The following STARD13 variants were observed in gnomAD, a reference collection of about 807,000 sequenced individuals.
STARD13 encodes stAR-related lipid transfer protein 13.
Under a neutral mutation model 106.4 loss-of-function variants are expected in STARD13, and 62 were observed. That is an observed-to-expected ratio of 0.58 (90% CI 0.48 to 0.72). The LOEUF is 0.72. STARD13 is among the 30% of genes least tolerant of loss of function. The probability of loss-of-function intolerance (pLI) is 0.00; values close to 1 mark genes in which losing one functional copy is unlikely to be tolerated. For missense variants in STARD13, 1,387 were observed against 1,424.0 expected (o/e 0.97, Z 0.42); for synonymous variants, 565 against 553.0 (o/e 1.02, Z -0.31).
intron 1 of STARD13, among the ~76,000 whole-genome samples, chr13:33,201,399 T>G (rs1004397634): frequency 5.9e-5 from 9 of 152,364 alleles, no homozygotes; most frequent in African/African-American, 1.9e-4. Flanking sequence ...CTGTGGTTTA[T>G]CCCAATGTAA....
At chr13:33,157,056 A>C (rs1478919954) in intron 3 of STARD13, among the ~76,000 whole-genome samples, 1 of 152,188 alleles carries the variant, frequency 6.6e-6, no homozygotes. Flanking sequence ...AATATTCATA[A>C]AGACTTTAAT....
intron 1 of STARD13, among the ~76,000 whole-genome samples, chr13:33,191,444 A>C (rs1886251669): frequency 1.3e-5 from 2 of 152,194 alleles, no homozygotes; most frequent in Admixed American, 6.5e-5. Context: ...GTGATTTCTA[A>C]GATGAAATGT....
chr13:33,170,618 A>G (rs911526601), intron 1 of STARD13, among the ~76,000 whole-genome samples: 23 of 152,212 alleles, frequency 1.5e-4, no homozygotes, highest in African/African-American at 5.3e-4. Flanking sequence ...CAAAACTGCA[A>G]TGAGTAAATA....
At chr13:33,282,127 ACCATTCTTATTT>A (rs1458094503) in intron 1 of STARD13, among the ~76,000 whole-genome samples, 3 of 152,090 alleles carry the variant, frequency 2.0e-5, no homozygotes, top group African/African-American at 7.2e-5. Flanking sequence ...GCAAATAAGG[ACCATTCTTATTT>A]CCATTCTCTC....
At chr13:33,356,047 T>C in the STARD13 span, among the ~76,000 whole-genome samples, 18 of 152,242 alleles carry the variant, frequency 1.2e-4, no homozygotes, top group Non-Finnish European at 2.4e-4. Context: ...CATATCATGG[T>C]CATCAACTTT....
chr13:33,228,818 A>G (rs1481843649), intron 1 of STARD13, among the ~76,000 whole-genome samples: 1 of 152,228 alleles, frequency 6.6e-6, no homozygotes, highest in East Asian at 1.9e-4. Context: ...ATTAAAACAA[A>G]TAAGAAATAT....
At chr13:33,589,720 T>G in the STARD13 span, among the ~76,000 whole-genome samples, 1 of 152,202 alleles carries the variant, frequency 6.6e-6, no homozygotes, top group Non-Finnish European at 1.5e-5. Context: ...TATTTTCAAC[T>G]ATGTGGTCAA....
At chr13:33,570,634 G>A in the STARD13 span, among the ~76,000 whole-genome samples, 9 of 120,996 alleles carry the variant, frequency 7.4e-5, no homozygotes, top group Admixed American at 8.4e-4. Flanking sequence ...AGACTGTCTT[G>A]GTAATGCAAA....
chr13:33,520,589 C>G, the STARD13 span, among the ~76,000 whole-genome samples: 1 of 152,022 alleles, frequency 6.6e-6, no homozygotes, highest in Non-Finnish European at 1.5e-5. Flanking sequence ...TTCAGCTTGC[C>G]CCTCGGGTAG....
At chr13:33,171,996 A>G (rs2138398112) in intron 1 of STARD13, among the ~76,000 whole-genome samples, 1 of 152,304 alleles carries the variant, frequency 6.6e-6, no homozygotes, top group Non-Finnish European at 1.5e-5. Flanking sequence ...ACCATGGCCG[A>G]TGTGGGTTTT....
chr13:33,243,963 G>C lies in STARD13; in HGVS notation c.169+41507C>G, dbSNP rs140099003. Among the ~76,000 whole-genome samples the C allele has an allele frequency of 3.2e-4, 49 of 151,774 alleles. No individual in the cohort carries two copies. In the East Asian group the frequency reaches 9.5e-3, roughly 29 times the overall value. On this transcript the variant is annotated intron_variant, in intron 1 of 13. Coordinates refer to ENST00000336934, the MANE Select transcript of STARD13 (RefSeq NM_178006.4). ...ACTTATTTGGATGGGAATAGAGGTT[G>C]AGTATCCCTTACCTGAAATGCTTGG... is the stretch of plus-strand genomic sequence containing the variant.
At chr13:33,546,795 A>G in the STARD13 span, among the ~76,000 whole-genome samples, 13 of 151,894 alleles carry the variant, frequency 8.6e-5, no homozygotes, top group Non-Finnish European at 1.9e-4. Flanking sequence ...AGGCAAGATT[A>G]ATGTTTTTTA....
chr13:33,502,411 A>C, the STARD13 span, among the ~76,000 whole-genome samples: 40 of 152,190 alleles, frequency 2.6e-4, no homozygotes, highest in South Asian at 6.6e-3. Flanking sequence ...GCCAGAACTT[A>C]CAACACTATG....
At chr13:33,315,175 T>C (rs1477552411) in intron 1 of STARD13, among the ~76,000 whole-genome samples, 1 of 152,202 alleles carries the variant, frequency 6.6e-6, no homozygotes, top group Non-Finnish European at 1.5e-5. Flanking sequence ...TAAAACACAG[T>C]TCCCCTCAGA....
chr13:33,631,726 T>A, the STARD13 span, among the ~76,000 whole-genome samples: 4 of 152,208 alleles, frequency 2.6e-5, no homozygotes, highest in Non-Finnish European at 4.4e-5. Context: ...GCTATTAATA[T>A]ATGCTATGAT....
the STARD13 span, among the ~76,000 whole-genome samples, chr13:33,603,458 G>C: frequency 2.8e-4 from 42 of 152,230 alleles, no homozygotes; most frequent in Middle Eastern, 6.8e-3. Flanking sequence ...GGACTTATGA[G>C]GACTACACAC....
chr13:33,177,817 GAAGGAAGGAAGGAAGGAAGGAAGGA>G lies in STARD13; in HGVS notation c.170-10220_170-10196del, dbSNP rs1566052172. 6.7e-3 allele frequency among the ~76,000 whole-genome samples: 176 copies of G among 26,216 alleles called. 33 individuals are homozygous for G. Among genetic ancestry groups the G allele is most frequent in the African/African-American group, 0.028 (147 of 5,192 alleles). 17.2% of individuals were successfully genotyped at this position (26,216 alleles called of 152,430 possible). A position where few individuals can be genotyped will look rare whatever the true frequency, so the allele number is the denominator to read the frequency against. ...GAAGGAAGGAAAGGAAGGAAGGAAG[GAAGGAAGGAAGGAAGGAAGGAAGGA>G]AAGGAAGGAAGGAAGGAAGGAAGGA... On this transcript the variant is annotated intron_variant, in intron 1 of 13. Transcript: ENST00000336934.
At chr13:33,246,943 T>A (rs1566096270) in intron 1 of STARD13, among the ~76,000 whole-genome samples, 1 of 152,182 alleles carries the variant, frequency 6.6e-6, no homozygotes, top group Non-Finnish European at 1.5e-5. Flanking sequence ...ATGCCTGTAA[T>A]CCCAGCACTT....
At chr13:33,672,130 A>G in the STARD13 span, among the ~76,000 whole-genome samples, 1 of 152,246 alleles carries the variant, frequency 6.6e-6, no homozygotes, top group Non-Finnish European at 1.5e-5. Context: ...ATGCCCATCA[A>G]TGATAGACTG....
Sources: allele counts gnomAD v4.1 joint callset (sites outside exome capture counted in the v4.1 genomes callset), GRCh38; gene constraint gnomAD v4.1.1; transcripts MANE v1.5; gene names NCBI Gene and HGNC (gene_info 2026-07-23, HGNC 2026-07-21).